The following CDH18 variants were observed in gnomAD, a reference collection of about 807,000 sequenced individuals.
The protein encoded by CDH18 is cadherin 18, also known as cadherin-18.
A neutral mutation model predicts 67.9 loss-of-function variants in CDH18; 31 were observed. The ratio of observed to expected loss-of-function variants is 0.46; its 90% confidence interval spans 0.34 to 0.62. CDH18 has a LOEUF of 0.62. Ranked by LOEUF, CDH18 falls within the 20% of genes least tolerant of loss-of-function variation. The pLI is 0.01. For missense variants in CDH18, 890 were observed against 975.5 expected (o/e 0.91, Z 1.17); for synonymous variants, 362 against 347.2 (o/e 1.04, Z -0.48).
At chr5:19,824,225 G>C (rs1780177535) in intron 3 of CDH18, among the ~76,000 whole-genome samples, 2 of 152,250 alleles carry the variant, frequency 1.3e-5, no homozygotes, top group Admixed American at 6.5e-5. Context: ...TCCTCTCACA[G>C]AGGGGGAGCA....
At chr5:19,914,374 A>G (rs1791513784) in intron 2 of CDH18, among the ~76,000 whole-genome samples, 1 of 152,106 alleles carries the variant, frequency 6.6e-6, no homozygotes, top group South Asian at 2.1e-4. Flanking sequence ...TCCCAGTAAA[A>G]GAAAAAAGAA....
At chr5:20,451,039 G>T (rs1750405553) in intron 1 of CDH18, among the ~76,000 whole-genome samples, 3 of 152,122 alleles carry the variant, frequency 2.0e-5, no homozygotes, top group Admixed American at 2.0e-4. Context: ...CCTCCCACCA[G>T]GTCCCTCCAA....
chr5:19,517,773 T>C (rs1005157700), intron 10 of CDH18, among the ~76,000 whole-genome samples: 2 of 152,096 alleles, frequency 1.3e-5, no homozygotes, highest in Non-Finnish European at 2.9e-5. Context: ...CATATGCCTC[T>C]CAGAATTGAA....
intron 1 of CDH18, among the ~76,000 whole-genome samples, chr5:20,333,528 T>TGC (rs1554119395): frequency 7.3e-6 from 1 of 136,840 alleles, no homozygotes; most frequent in Non-Finnish European, 1.5e-5. Flanking sequence ...ACAATATATA[T>TGC]ACACACACAC....
intron 1 of CDH18, among the ~76,000 whole-genome samples, chr5:20,356,688 C>A (rs1741632982): frequency 6.7e-6 from 1 of 149,458 alleles, no homozygotes; most frequent in Admixed American, 6.7e-5. Flanking sequence ...GAAATACAAC[C>A]AAACATACCT....
intron 1 of CDH18, among the ~76,000 whole-genome samples, chr5:20,270,671 G>C (rs1745369203): frequency 6.6e-6 from 1 of 152,076 alleles, no homozygotes; most frequent in Non-Finnish European, 1.5e-5. Context: ...CTATTATAAA[G>C]ACACATACAC....
At chr5:20,017,449 C>T (rs114138047) in intron 2 of CDH18, among the ~76,000 whole-genome samples, 2,989 of 152,014 alleles carry the variant, frequency 0.02, 56 homozygotes, top group Non-Finnish European at 0.027. Flanking sequence ...TAACAGACTG[C>T]TTACAAAATA....
At chr5:20,213,974 A>G (rs1456749106) in intron 2 of CDH18, among the ~76,000 whole-genome samples, 2 of 152,044 alleles carry the variant, frequency 1.3e-5, no homozygotes, top group Non-Finnish European at 2.9e-5. Context: ...AGAAAACCTC[A>G]CAGAATTCAG....
intron 8 of CDH18, among the ~76,000 whole-genome samples, chr5:19,551,203 C>T (rs1001660924): frequency 1.3e-5 from 2 of 152,048 alleles, no homozygotes; most frequent in African/African-American, 4.8e-5. Flanking sequence ...GGGCCACTTA[C>T]CAAGGACAAA....
chr5:19,787,344 A>G lies in CDH18; in HGVS notation c.229-40108T>C, dbSNP rs575468941. The stretch of plus-strand genomic sequence containing the variant: ...GTGCGCACCTGTAGTCCCAGCTACT[A>G]GGGAGGCTGAGGCAGGAGAATCGCT... On this transcript the variant is annotated intron_variant, in intron 3 of 12. Coordinates refer to ENST00000382275, the MANE Select transcript of CDH18 (RefSeq NM_004934.5). Among the ~76,000 whole-genome samples, 3 of 151,952 alleles carry G rather than the reference A, an allele frequency of 2.0e-5. No individual in the cohort carries two copies. In the East Asian group the frequency reaches 5.8e-4, roughly 30 times the overall value.
At chr5:20,263,610 T>TA (rs1744823530) in intron 1 of CDH18, among the ~76,000 whole-genome samples, 1 of 152,098 alleles carries the variant, frequency 6.6e-6, no homozygotes, top group Non-Finnish European at 1.5e-5. Context: ...GATGCATGGG[T>TA]AAAAAAATGT....
intron 3 of CDH18, among the ~76,000 whole-genome samples, chr5:19,797,165 C>A (rs114994060): frequency 6.6e-6 from 1 of 151,816 alleles, no homozygotes. Context: ...TTCAATGACA[C>A]AGGTAGATTT....
At chr5:19,520,054 C>T (rs991609410) in intron 10 of CDH18, among the ~76,000 whole-genome samples, 15 of 152,126 alleles carry the variant, frequency 9.9e-5, no homozygotes, top group African/African-American at 3.6e-4. Flanking sequence ...AAAACAAATG[C>T]ACAACCCCTT....
At position 19,568,068 on chromosome 5, in the gene CDH18, G is replaced by A. The variant is rs141164870; in HGVS notation, c.1253+3511C>T. The stretch of plus-strand genomic sequence containing the variant: ...GTACTCCAGTTCTACCAATTTGCCA[G>A]TCAGTTTGTTTTAGTCTATGTCAGG... On this transcript the variant is annotated intron_variant, in intron 8 of 12. Coordinates refer to ENST00000382275, the MANE Select transcript of CDH18 (RefSeq NM_004934.5). Among the ~76,000 whole-genome samples, 798 of 152,250 alleles carry A rather than the reference G, an allele frequency of 5.2e-3. 7 individuals are homozygous for A. The highest frequency in any genetic ancestry group is 0.01 in the Middle Eastern group (3 of 294).
chr5:20,196,478 A>C (rs1418627287), intron 2 of CDH18, among the ~76,000 whole-genome samples: 1 of 152,144 alleles, frequency 6.6e-6, no homozygotes, highest in Non-Finnish European at 1.5e-5. Flanking sequence ...ATTAGATATT[A>C]CTCTGCTTTA....
chr5:20,012,759 T>A (rs1444885998), intron 2 of CDH18, among the ~76,000 whole-genome samples: 2 of 152,156 alleles, frequency 1.3e-5, no homozygotes, highest in Middle Eastern at 3.4e-3. Flanking sequence ...TGTAGGGACA[T>A]GCATGGAGCT....
At chr5:19,592,625 C>A (rs1745348379) in intron 6 of CDH18, among the ~76,000 whole-genome samples, 1 of 151,952 alleles carries the variant, frequency 6.6e-6, no homozygotes, top group South Asian at 2.1e-4. Flanking sequence ...ATACTGAAAA[C>A]AAAAGTCTAA....
At chr5:20,481,511 C>T (rs1752809715) in intron 1 of CDH18, among the ~76,000 whole-genome samples, 2 of 152,064 alleles carry the variant, frequency 1.3e-5, no homozygotes, top group South Asian at 2.1e-4. Flanking sequence ...CAACAGAATA[C>T]ACATATTTCT....
At chr5:19,529,850 T>A (rs1415702898) in intron 9 of CDH18, among the ~76,000 whole-genome samples, 1 of 152,132 alleles carries the variant, frequency 6.6e-6, no homozygotes, top group African/African-American at 2.4e-5. Context: ...TCAATGTTGT[T>A]CATTGAGGTG....
Sources: allele counts gnomAD v4.1 joint callset (sites outside exome capture counted in the v4.1 genomes callset), GRCh38; gene constraint gnomAD v4.1.1; transcripts MANE v1.5; gene names NCBI Gene and HGNC (gene_info 2026-07-23, HGNC 2026-07-21).